Variants in TRIP11 observed in about 807,000 individuals in gnomAD.
TRIP11 encodes thyroid hormone receptor interactor 11.
TRIP11 carries 148 observed loss-of-function variants against 223.1 expected under a neutral mutation model. That is an observed-to-expected ratio of 0.66 (90% CI 0.58 to 0.76). The LOEUF is 0.76. Ranked by LOEUF, TRIP11 falls within the 30% of genes least tolerant of loss-of-function variation. The probability of loss-of-function intolerance (pLI) is 0.00; values close to 1 mark genes in which losing one functional copy is unlikely to be tolerated. For synonymous variants in TRIP11, 762 were observed against 772.6 expected (o/e 0.99, Z 0.23); for missense variants, 2,043 against 2,222.0 (o/e 0.92, Z 1.62).
intron 3 of TRIP11, among the ~76,000 whole-genome samples, chr14:92,024,247 G>C (rs2057151164): frequency 6.6e-6 from 1 of 151,840 alleles, no homozygotes; most frequent in African/African-American, 2.4e-5. Flanking sequence ...GCGTGGTAGT[G>C]CATGCCTGTA....
chr14:92,025,307 T>C lies in TRIP11; in HGVS notation c.312+3A>G. The C allele has an allele frequency of 6.2e-7, 1 of 1,606,150 alleles. No homozygotes were observed. Among genetic ancestry groups the C allele is most frequent in the African/African-American group, 1.3e-5 (1 of 74,864 alleles). On this transcript the variant is annotated splice_donor_region_variant and intron_variant, in intron 3 of 20. Coordinates refer to ENST00000267622, the MANE Select transcript of TRIP11 (RefSeq NM_004239.4). ...CATATGAAGTAACTGTGATAACATT[T>C]ACCTCTTTTTGTTGAAGTTGATTTC...
Position 92,010,970 on chromosome 14 carries a change from T to G in TRIP11, c.1314+16A>C. The G allele has an allele frequency of 6.2e-7, 1 of 1,613,178 alleles. No individual in the cohort carries two copies. Among genetic ancestry groups the G allele is most frequent in the Non-Finnish European group, 8.5e-7 (1 of 1,179,290 alleles). On this transcript the variant is annotated intron_variant, in intron 9 of 20. Transcript: ENST00000267622. ...ACATACCATTTTAATTCTGCCCCCA[T>G]TTTTACAGCACCCACCTTTTCTTGA...
chr14:92,036,413 T>TA, intron 1 of TRIP11, among the ~76,000 whole-genome samples: 1 of 152,324 alleles, frequency 6.6e-6, no homozygotes, highest in Middle Eastern at 3.4e-3. Context: ...AACCTCACAA[T>TA]AGGTATGATT....
intron 12 of TRIP11, 122 bp from the exon 13 acceptor site, chr14:91,999,555 G>T: frequency 9.5e-7 from 1 of 1,053,940 alleles, no homozygotes; most frequent in South Asian, 1.4e-5. Context: ...TTCTCATACT[G>T]CAAAATGTAT....
In TRIP11 at chr14:91,967,613, T is replaced by G. The variant is rs141205757; in HGVS notation, c.*2060A>C. 33 of 199,292 alleles carry G rather than the reference T, an allele frequency of 1.7e-4. No homozygotes were observed. The highest frequency in any genetic ancestry group is 3.1e-4 in the Non-Finnish European group (30 of 96,538). The allele number at this position is 199,292 out of a possible 1,614,324, so 12.3% of individuals were successfully genotyped here. On this transcript the variant is annotated 3_prime_UTR_variant, in exon 21 of 21. Coordinates refer to ENST00000267622, the MANE Select transcript of TRIP11 (RefSeq NM_004239.4). Reference sequence around the variant, plus strand: ...TCAGAGAAGGAAATACTCAAAAATGTCACAAAAGGCATTTCAAATATGATG... The same window carrying G: ...TCAGAGAAGGAAATACTCAAAAATGGCACAAAAGGCATTTCAAATATGATG...
chr14:92,002,619 C>T (rs768888814), intron 11 of TRIP11, among the ~76,000 whole-genome samples: 4 of 151,524 alleles, frequency 2.6e-5, no homozygotes, highest in Admixed American at 6.6e-5. Flanking sequence ...TTCTGTCACC[C>T]AGGCAGGAGT....
At chr14:91,981,684 T>C (rs1462376241) in intron 16 of TRIP11, among the ~76,000 whole-genome samples, 2 of 152,260 alleles carry the variant, frequency 1.3e-5, no homozygotes, top group Non-Finnish European at 2.9e-5. Context: ...TGGGCCACCG[T>C]GCCCAGCCCT....
In TRIP11 at chr14:92,003,711, T is replaced by C. The variant is rs371186417; in HGVS notation, c.4265A>G (p.Gln1422Arg). The C allele has an allele frequency of 2.0e-5, 33 of 1,614,098 alleles. No homozygotes were observed. The highest frequency in any genetic ancestry group is 2.6e-5 in the Non-Finnish European group (31 of 1,180,048). ...KDLLIKAKSD[Q>R]LLSSNENFTN... ...GAAATTTTCATTGGAAGAAAGTAGT[T>C]GATCACTTTTGGCTTTGATTAAGAG... The change falls in exon 11 of 21, where the codon CAA (glutamine) becomes CGA (arginine). Residue 1422 changes from glutamine to arginine, a missense_variant. Gln to Arg is a conservative substitution (Grantham distance 43). Coordinates refer to ENST00000267622, the MANE Select transcript of TRIP11 (RefSeq NM_004239.4).
At chr14:92,003,141 G>A (rs893841868) in intron 11 of TRIP11, among the ~76,000 whole-genome samples, 4 of 152,068 alleles carry the variant, frequency 2.6e-5, no homozygotes, top group Non-Finnish European at 1.5e-5. Flanking sequence ...ATTCTCTCAT[G>A]AGACACATCT....
chr14:91,993,737 C>G, intron 15 of TRIP11, 72 bp downstream of exon 15: 1 of 1,247,344 alleles, frequency 8.0e-7, no homozygotes, highest in Non-Finnish European at 1.2e-6. Flanking sequence ...GAGATTATTT[C>G]CAAGACAAAG....
chr14:92,007,578 C>T, intron 10 of TRIP11, 62 bp downstream of exon 10: 2 of 1,538,188 alleles, frequency 1.3e-6, no homozygotes, highest in Admixed American at 1.7e-5. Context: ...TCACACCCAC[C>T]ATTTCTGTGT....
intron 20 of TRIP11, among the ~76,000 whole-genome samples, chr14:91,971,737 T>C (rs965207505): frequency 6.6e-6 from 1 of 152,192 alleles, no homozygotes; most frequent in Non-Finnish European, 1.5e-5. Context: ...ACCTCTTAGA[T>C]AAAGTTATGA....
intron 16 of TRIP11, among the ~76,000 whole-genome samples, chr14:91,981,173 G>A (rs1196058109): frequency 6.0e-5 from 9 of 149,872 alleles, no homozygotes; most frequent in South Asian, 2.1e-4. Flanking sequence ...CTGCCACCAC[G>A]CCTGGCTAAT....
In TRIP11 at chr14:92,005,267, C is replaced by G; in HGVS notation, c.2709G>C (p.Thr903=). The G allele has an allele frequency of 6.2e-7, 1 of 1,614,072 alleles. No individual in the cohort carries two copies. Among genetic ancestry groups the G allele is most frequent in the African/African-American group, 1.3e-5 (1 of 75,004 alleles). The change falls in exon 11 of 21, where the codon ACG becomes ACC. Residue 903 remains threonine, a synonymous_variant. Coordinates refer to ENST00000267622, the MANE Select transcript of TRIP11 (RefSeq NM_004239.4). ...TTTCCTCTTCAAGATGTTCCTTGATCGTGTTCAGTTGAGATACCTCAGATG... is the reference window on the plus strand; with the variant it reads ...TTTCCTCTTCAAGATGTTCCTTGATGGTGTTCAGTTGAGATACCTCAGATG... ...ELASEVSQLN[T]IKEHLEEEIK...
intron 14 of TRIP11, among the ~76,000 whole-genome samples, chr14:91,994,257 ACTT>A (rs1437749326): frequency 6.4e-5 from 9 of 141,196 alleles, no homozygotes; most frequent in African/African-American, 2.5e-4. Flanking sequence ...GACCTCAAAA[ACTT>A]TTTTTTTTTT....
intron 1 of TRIP11, among the ~76,000 whole-genome samples, chr14:92,034,385 T>C (rs1176029866): frequency 2.7e-5 from 4 of 149,892 alleles, no homozygotes; most frequent in East Asian, 3.9e-4. Context: ...ACTGTGCTAC[T>C]GCACTCCAGC....
intron 19 of TRIP11, among the ~76,000 whole-genome samples, chr14:91,973,463 T>C (rs1381531039): frequency 1.3e-5 from 2 of 152,206 alleles, no homozygotes; most frequent in East Asian, 3.8e-4. Context: ...TTGCCATCAA[T>C]GAATAGCACT....
At position 91,967,858 on chromosome 14, in the gene TRIP11, G is replaced by T. The variant is rs1285085572; in HGVS notation, c.*1815C>A. The T allele has an allele frequency of 1.0e-5, 2 of 198,946 alleles. No homozygotes were observed. The highest frequency in any genetic ancestry group is 4.6e-5 in the African/African-American group (2 of 43,340). The allele number at this position is 198,946 out of a possible 1,614,324, so 12.3% of individuals were successfully genotyped here. On this transcript the variant is annotated 3_prime_UTR_variant, in exon 21 of 21. Transcript: ENST00000267622. ...GTTAGGAGCATATAAAAACCAAGGA[G>T]TAACAACTCACAGAGAAATAATAAT... is the stretch of plus-strand genomic sequence containing the variant.
intron 13 of TRIP11, among the ~76,000 whole-genome samples, chr14:91,995,760 C>T (rs534561346): frequency 2.0e-5 from 3 of 151,912 alleles, no homozygotes; most frequent in East Asian, 3.9e-4. Context: ...GGGTTATAGG[C>T]GTGCACAACC....
Sources: allele counts gnomAD v4.1 joint callset (sites outside exome capture counted in the v4.1 genomes callset), GRCh38; gene constraint gnomAD v4.1.1; transcripts MANE v1.5; gene names NCBI Gene and HGNC (gene_info 2026-07-23, HGNC 2026-07-21).